AATK: variants seen among roughly 807,000 people sequenced by gnomAD.
AATK encodes serine/threonine-protein kinase LMTK1.
In AATK, 91 loss-of-function variants were observed where a neutral mutation model predicts 114.3. The observed-to-expected ratio is 0.80, with a 90% CI of 0.67 to 0.95. The LOEUF (loss-of-function observed/expected upper bound fraction) is 0.95. Ranked by LOEUF, AATK falls within the 40% of genes least tolerant of loss-of-function variation. AATK has a pLI of 0.00. For synonymous variants in AATK, 1,075 were observed against 916.5 expected (o/e 1.17, Z -3.12); for missense variants, 2,176 against 1,965.2 (o/e 1.11, Z -2.03).
rs1325036868 is a variant in AATK, at chr17:81,118,407, C to A, written c.4120G>T (p.Ala1374Ser). ...GGGCAGGAGCTGCCCAGGTCTCAAG[C>A]CTCTTTACTCTCACCCCCGGCACCA... ...EAGAGGESKE[A>S] Residue 1374 changes from alanine to serine, a missense_variant, in exon 14 of 14, where the codon GCT (alanine) becomes TCT (serine). By Grantham distance (99) the Ala-to-Ser change is moderately conservative (BLOSUM62 1). Coordinates refer to ENST00000326724, the MANE Select transcript of AATK (RefSeq NM_001080395.3). 5 of 1,607,752 alleles carry A rather than the reference C, an allele frequency of 3.1e-6. No homozygotes were observed. The Admixed American group carries it at 8.4e-5, about 27-fold the overall frequency.
intron 2 of AATK, chr17:81,132,675 C>A: frequency 3.1e-6 from 1 of 317,476 alleles, no homozygotes; most frequent in Non-Finnish European, 6.5e-6. Flanking sequence ...GGGGGCCAGC[C>A]GGGTCCTGCC....
At chr17:81,159,741 C>T (rs1340606973) in intron 1 of AATK, among the ~76,000 whole-genome samples, 3 of 152,062 alleles carry the variant, frequency 2.0e-5, no homozygotes, top group African/African-American at 7.2e-5. Flanking sequence ...CCAGCTCCAT[C>T]CCACAACGGC....
chr17:81,162,659 C>A (rs1044679553), intron 1 of AATK, among the ~76,000 whole-genome samples: 1 of 152,214 alleles, frequency 6.6e-6, no homozygotes, highest in East Asian at 1.9e-4. Flanking sequence ...TGAGGCCCAG[C>A]CTGCCCAGCC....
Position 81,165,976 on chromosome 17 carries a change from A to G in AATK, c.17T>C (p.Phe6Ser), listed in dbSNP as rs751952563. The G allele has an allele frequency of 6.3e-7, 1 of 1,585,204 alleles. No individual in the cohort carries two copies. The stretch of plus-strand genomic sequence containing the variant: ...CGAGCTGAAGGCGAAGCTGGGGTTG[A>G]AGAAGGACGACGACATGGCCGGGCC... MSSSF[F>S]NPSFAFSSHF... The change falls in exon 1 of 14, where the codon TTC becomes TCC. Residue 6 changes from phenylalanine (F) to serine (S), a missense_variant. Phe to Ser is a radical substitution (Grantham distance 155). This residue lies in a region of AATK where 178 missense variants were observed against 175.4 expected (regional missense o/e 1.01). Transcript: ENST00000326724.
At position 81,137,919 on chromosome 17, in the gene AATK, T is replaced by G. The variant is rs563061172; in HGVS notation, c.56-3418A>C. 3.2e-3 allele frequency among the ~76,000 whole-genome samples: 156 copies of G among 48,058 alleles called. 1 individual carries two copies. Among genetic ancestry groups the G allele is most frequent in the African/African-American group, 7.9e-3 (146 of 18,470 alleles). The allele number at this position is 48,058 out of a possible 152,430, so 31.5% of individuals were successfully genotyped here. On this transcript the variant is annotated intron_variant, in intron 1 of 13. Coordinates refer to ENST00000326724, the MANE Select transcript of AATK (RefSeq NM_001080395.3). ...ACGTGCACATACACACGGGCACACG[T>G]GCACACAGCCACACGCACACATCCA... is the stretch of plus-strand genomic sequence containing the variant.
intron 1 of AATK, among the ~76,000 whole-genome samples, chr17:81,146,336 G>A (rs1456455468): frequency 1.3e-5 from 2 of 151,746 alleles, no homozygotes; most frequent in Non-Finnish European, 2.9e-5. Flanking sequence ...ACCGCAGCCT[G>A]GGTGACAGAG....
At position 81,149,625 on chromosome 17, in the gene AATK, C is replaced by T. The variant is rs182284932; in HGVS notation, c.56-15124G>A. Among the ~76,000 whole-genome samples the T allele has an allele frequency of 2.3e-3, 347 of 152,284 alleles. 1 individual carries two copies. Among genetic ancestry groups the T allele is most frequent in the African/African-American group, 7.6e-3 (314 of 41,550 alleles). On this transcript the variant is annotated intron_variant, in intron 1 of 13. Coordinates refer to ENST00000326724, the MANE Select transcript of AATK (RefSeq NM_001080395.3). ...CAGCCACTTCTAAAAGCACTGCCCG[C>T]GGCACCCCCAGCCCACCCTGGGCTT...
chr17:81,142,347 A>G (rs902001050), intron 1 of AATK, among the ~76,000 whole-genome samples: 6 of 151,150 alleles, frequency 4.0e-5, no homozygotes, highest in African/African-American at 1.5e-4. Context: ...ATCACGGCTC[A>G]TGGCAGCCTC....
At chr17:81,155,971 C>G (rs1171336936) in intron 1 of AATK, among the ~76,000 whole-genome samples, 1 of 152,176 alleles carries the variant, frequency 6.6e-6, no homozygotes, top group Non-Finnish European at 1.5e-5. Flanking sequence ...TGTGAGCTCC[C>G]CATTTATTTA....
chr17:81,130,947 G>A lies in AATK; in HGVS notation c.334+114C>T, dbSNP rs59199059. The A allele has an allele frequency of 1.3e-4, 175 of 1,334,764 alleles. No individual in the cohort carries two copies. In the African/African-American group the frequency reaches 2.4e-3, roughly 18 times the overall value. The allele number at this position is 1,334,764 out of a possible 1,614,324, so 82.7% of individuals were successfully genotyped here. A position where few individuals can be genotyped will look rare whatever the true frequency, so the allele number is the denominator to read the frequency against. On this transcript the variant is annotated intron_variant, in intron 3 of 13. Coordinates refer to ENST00000326724, the MANE Select transcript of AATK (RefSeq NM_001080395.3). Reference sequence around the variant, plus strand: ...GCGTCTACCCCACAGGCCACTCCCAGCCCTGTGCTGCCCCCACTCCAGAGC... The same window carrying A: ...GCGTCTACCCCACAGGCCACTCCCAACCCTGTGCTGCCCCCACTCCAGAGC...
chr17:81,128,944 C>A, intron 3 of AATK: 1 of 1,088,742 alleles, frequency 9.2e-7, no homozygotes, highest in Non-Finnish European at 1.1e-6. Flanking sequence ...CCACCCCCAC[C>A]CTGCCGCAGG....
chr17:81,129,148 A>G (rs2060892786), intron 3 of AATK, among the ~76,000 whole-genome samples: 1 of 152,200 alleles, frequency 6.6e-6, no homozygotes, highest in South Asian at 2.1e-4. Flanking sequence ...GCCCCGAGGG[A>G]TTCCCCGAAT....
At chr17:81,137,470 CACCCA>C in intron 1 of AATK, among the ~76,000 whole-genome samples, 3 of 151,660 alleles carry the variant, frequency 2.0e-5, no homozygotes, top group African/African-American at 7.3e-5. Context: ...GCCACCCTGG[CACCCA>C]CAGCCGAGTG....
chr17:81,151,625 C>A (rs937411780), intron 1 of AATK, among the ~76,000 whole-genome samples: 28 of 152,100 alleles, frequency 1.8e-4, no homozygotes, highest in African/African-American at 6.3e-4. Flanking sequence ...CTGGAACTGC[C>A]CTGGGAGTGA....
chr17:81,140,782 AGACCGTGGGG>A (rs2061117085), intron 1 of AATK, among the ~76,000 whole-genome samples: 1 of 57,966 alleles, frequency 1.7e-5, no homozygotes, highest in African/African-American at 8.4e-5. Context: ...TGGGGCGGTG[AGACCGTGGGG>A]CCGTGAGACC....
chr17:81,122,019 G>A lies in AATK; in HGVS notation c.1917C>T (p.Phe639=), dbSNP rs747364906. 8.7e-6 allele frequency: 14 copies of A among 1,600,614 alleles called. No individual in the cohort carries two copies. The highest frequency in any genetic ancestry group is 3.3e-5 in the Admixed American group (2 of 59,918). ...AAGGGGACGTGCCCAGTGGGTCCTC[G>A]AAGAAGGCAGGACAGAAGGCGGCCA... ...WGVAAFCPAF[F]EDPLGTSPLG... Residue 639 remains phenylalanine, a synonymous_variant, in exon 11 of 14, where the codon TTC becomes TTT. Coordinates refer to ENST00000326724, the MANE Select transcript of AATK (RefSeq NM_001080395.3).
At chr17:81,125,045 TG>T (rs2060782932) in intron 7 of AATK, 31 bp from the exon 8 acceptor site, 29 of 55,446 alleles carry the variant, frequency 5.2e-4, no homozygotes, top group Non-Finnish European at 6.7e-4. Flanking sequence ...AGGGGCAGGG[TG>T]AGCAGGGTGA....
chr17:81,121,538 G>A lies in AATK; in HGVS notation c.2398C>T (p.Pro800Ser). 1 of 1,534,866 alleles carries A rather than the reference G, an allele frequency of 6.5e-7. No homozygotes were observed. Among genetic ancestry groups the A allele is most frequent in the Non-Finnish European group, 8.8e-7 (1 of 1,139,490 alleles). Reference protein sequence around the residue: ...TGPRLPLPSVPSPSQEGAPLP... With the variant: ...TGPRLPLPSVSSPSQEGAPLP... ...GGGGCTCCCTCCTGGGATGGGGAGG[G>A]GACGGAAGGAAGGGGCAGGCGGGGT... The change falls in exon 11 of 14, where the codon CCC becomes TCC. Residue 800 changes from proline to serine, a missense_variant. Pro to Ser is a moderately conservative substitution (Grantham distance 74, BLOSUM62 -1). Transcript: ENST00000326724.
chr17:81,142,076 C>T (rs911082736), intron 1 of AATK, among the ~76,000 whole-genome samples: 2 of 151,898 alleles, frequency 1.3e-5, no homozygotes, highest in African/African-American at 4.8e-5. Context: ...CCACCTCAGC[C>T]CCCCAAGTAG....
Sources: gnomAD v4.1 joint callset for allele counts (sites outside exome capture counted in the v4.1 genomes callset) on GRCh38, gnomAD v4.1.1 for gene constraint, gnomAD v4.1.1 regional missense constraint, MANE v1.5 for transcripts, NCBI Gene and HGNC (gene_info 2026-07-23, HGNC 2026-07-21) for gene names.